LRP1B: variants seen among roughly 807,000 people sequenced by gnomAD.
LRP1B encodes low-density lipoprotein receptor-related protein 1B.
In LRP1B, 217 loss-of-function variants were observed where a neutral mutation model predicts 556.6. The observed-to-expected ratio is 0.39, with a 90% CI of 0.35 to 0.44. LRP1B has a LOEUF of 0.44. Among genes scored for constraint, LRP1B ranks in the 20% least tolerant of loss-of-function variants. The pLI, the probability that LRP1B is intolerant of heterozygous loss-of-function variation, is 1.00. For missense variants in LRP1B, 5,053 were observed against 5,620.8 expected (o/e 0.90, Z 3.23); for synonymous variants, 2,047 against 1,865.8 (o/e 1.10, Z -2.50).
At chr2:140,672,349 T>G (rs1685514619) in intron 41 of LRP1B, among the ~76,000 whole-genome samples, 1 of 151,992 alleles carries the variant, frequency 6.6e-6, no homozygotes, top group Non-Finnish European at 1.5e-5. Context: ...CTGGGCGTGG[T>G]GGTGTGCACC....
At chr2:140,465,301 G>C (rs1687498549) in intron 60 of LRP1B, among the ~76,000 whole-genome samples, 1 of 152,076 alleles carries the variant, frequency 6.6e-6, no homozygotes, top group African/African-American at 2.4e-5. Flanking sequence ...CTCTAGCACT[G>C]GGGATTATGA....
At chr2:140,893,171 G>A (rs58925873) in intron 23 of LRP1B, among the ~76,000 whole-genome samples, 8,171 of 152,280 alleles carry the variant, frequency 0.054, 228 homozygotes, top group East Asian at 0.1. Context: ...AAAAGATAAA[G>A]AGAGGAAGAG....
intron 2 of LRP1B, among the ~76,000 whole-genome samples, chr2:141,786,991 C>A (rs1695450245): frequency 6.6e-6 from 1 of 151,820 alleles, no homozygotes; most frequent in Non-Finnish European, 1.5e-5. Context: ...GTATCAACAT[C>A]ACTTGGTCAT....
intron 66 of LRP1B, among the ~76,000 whole-genome samples, chr2:140,401,082 C>T (rs1418616594): frequency 2.6e-5 from 4 of 152,042 alleles, no homozygotes; most frequent in Admixed American, 2.0e-4. Context: ...AAAGAAGCTC[C>T]GAACTGAATT....
intron 72 of LRP1B, among the ~76,000 whole-genome samples, chr2:140,361,377 T>TATATATATAC (rs1682505574): frequency 7.6e-6 from 1 of 132,140 alleles, no homozygotes; most frequent in Non-Finnish European, 1.6e-5. Context: ...TATATATATA[T>TATATATATAC]ATAACAAAAA....
At chr2:140,630,974 G>A (rs1683860754) in intron 41 of LRP1B, among the ~76,000 whole-genome samples, 1 of 152,010 alleles carries the variant, frequency 6.6e-6, no homozygotes, top group African/African-American at 2.4e-5. Flanking sequence ...CTAAATCACT[G>A]GCCTCTTGTT....
intron 53 of LRP1B, among the ~76,000 whole-genome samples, chr2:140,503,846 G>A (rs970334096): frequency 1.1e-4 from 16 of 151,994 alleles, no homozygotes; most frequent in African/African-American, 3.6e-4. Flanking sequence ...TTAAGTGGGA[G>A]GGGGTAAGAT....
intron 3 of LRP1B, among the ~76,000 whole-genome samples, chr2:141,415,715 A>G (rs1417865859): frequency 6.7e-6 from 1 of 150,214 alleles, no homozygotes; most frequent in East Asian, 2.0e-4. Context: ...ATGAAATTTA[A>G]TATGTATGCA....
intron 16 of LRP1B, chr2:140,992,405 A>G (rs139232726): frequency 5.9e-5 from 9 of 152,224 alleles, no homozygotes; most frequent in African/African-American, 2.2e-4. Context: ...TAGAAGATAC[A>G]AGTCACACTG....
chr2:140,802,969 T>C (rs7606602), intron 32 of LRP1B, among the ~76,000 whole-genome samples: 70,411 of 151,946 alleles, frequency 0.46, 17,681 homozygotes, highest in East Asian at 0.66. Context: ...TACATTCACG[T>C]GCTTACAAAC....
intron 10 of LRP1B, among the ~76,000 whole-genome samples, chr2:141,053,445 T>G (rs1357071642): frequency 6.6e-6 from 1 of 151,926 alleles, no homozygotes; most frequent in Non-Finnish European, 1.5e-5. Flanking sequence ...CATCTGATAG[T>G]TGTGGGGCAA....
At chr2:141,166,741 G>A (rs1159949756) in intron 7 of LRP1B, among the ~76,000 whole-genome samples, 2 of 151,670 alleles carry the variant, frequency 1.3e-5, no homozygotes, top group Non-Finnish European at 2.9e-5. Context: ...GTCATAATTT[G>A]TATGTGCAGT....
intron 11 of LRP1B, among the ~76,000 whole-genome samples, chr2:141,043,859 G>A (rs1206245089): frequency 6.6e-6 from 1 of 151,926 alleles, no homozygotes; most frequent in Admixed American, 6.6e-5. Flanking sequence ...TCAGTCTTAA[G>A]ATTCAATGCC....
chr2:141,697,672 G>A (rs1257254119), intron 2 of LRP1B, among the ~76,000 whole-genome samples: 3 of 151,910 alleles, frequency 2.0e-5, no homozygotes, highest in Admixed American at 2.0e-4. Flanking sequence ...GCTGCATGTA[G>A]TGCTACTCAG....
In LRP1B at chr2:141,386,211, A is replaced by G. The variant is rs1368042660; in HGVS notation, c.343+94185T>C. On this transcript the variant is annotated intron_variant, in intron 3 of 90. Coordinates refer to ENST00000389484, the MANE Select transcript of LRP1B (RefSeq NM_018557.3). ...TTTAGACTTGGGTCCCATCTCCAAG[A>G]TATCTCATTATGCACATGCAAATAC... 3.3e-5 allele frequency among the ~76,000 whole-genome samples: 5 copies of G among 152,286 alleles called. No individual in the cohort carries two copies. In the East Asian group the frequency reaches 7.7e-4, roughly 24 times the overall value.
rs928491810 is a variant in LRP1B at position 140,529,413 on chromosome 2, T to C, written c.7763-3063A>G. Among the ~76,000 whole-genome samples the C allele has an allele frequency of 1.1e-4, 14 of 132,806 alleles. No individual in the cohort carries two copies. In the Admixed American group the frequency reaches 1.1e-3, roughly 10 times the overall value. 87.1% of individuals were successfully genotyped at this position (132,806 alleles called of 152,430 possible). On this transcript the variant is annotated intron_variant, in intron 47 of 90. Coordinates refer to ENST00000389484, the MANE Select transcript of LRP1B (RefSeq NM_018557.3). ...CTTCCAACATCCCTTACCCAACTCG[T>C]AGCAAAGGGAAGCTGAAAAGGGGGG...
At chr2:142,028,684 G>T (rs988679335) in intron 1 of LRP1B, among the ~76,000 whole-genome samples, 1 of 151,896 alleles carries the variant, frequency 6.6e-6, no homozygotes, top group Admixed American at 6.6e-5. Context: ...TTAGGTAAAT[G>T]CCTAGAAGTC....
chr2:140,290,623 A>G (rs1001781154), intron 84 of LRP1B, among the ~76,000 whole-genome samples: 2 of 152,256 alleles, frequency 1.3e-5, no homozygotes, highest in Middle Eastern at 3.4e-3. Context: ...ATTAACAGGA[A>G]CAACTGAAAA....
At chr2:140,336,960 A>G (rs994741688) in intron 77 of LRP1B, among the ~76,000 whole-genome samples, 2 of 151,874 alleles carry the variant, frequency 1.3e-5, no homozygotes, top group Non-Finnish European at 2.9e-5. Context: ...TAGATGTGTA[A>G]TCAATACGTA....
Sources: allele counts gnomAD v4.1 joint callset (sites outside exome capture counted in the v4.1 genomes callset), GRCh38; gene constraint gnomAD v4.1.1; transcripts MANE v1.5; gene names NCBI Gene and HGNC (gene_info 2026-07-23, HGNC 2026-07-21).